Variants in GRIA1 observed in about 807,000 individuals in gnomAD.
The protein encoded by GRIA1 is glutamate receptor 1.
GRIA1 carries 31 observed loss-of-function variants against 99.2 expected under a neutral mutation model. The observed-to-expected ratio is 0.31, with a 90% CI of 0.23 to 0.42. The LOEUF (loss-of-function observed/expected upper bound fraction) is 0.42, where lower values mean the gene tolerates loss of function less well. Among genes scored for constraint, GRIA1 ranks in the 10% least tolerant of loss-of-function variants. GRIA1 has a pLI of 1.00. For synonymous variants in GRIA1, 438 were observed against 432.4 expected (o/e 1.01, Z -0.16); for missense variants, 782 against 1,157.5 (o/e 0.68, Z 4.71).
At chr5:153,505,677 G>A (rs142712353) in intron 2 of GRIA1, among the ~76,000 whole-genome samples, 69 of 152,376 alleles carry the variant, frequency 4.5e-4, no homozygotes, top group Middle Eastern at 6.8e-3. Flanking sequence ...AGCAACCAGC[G>A]TGTGTTCCAC....
At chr5:153,605,415 T>C (rs1458797266) in intron 2 of GRIA1, among the ~76,000 whole-genome samples, 2 of 152,248 alleles carry the variant, frequency 1.3e-5, no homozygotes, top group African/African-American at 4.8e-5. Context: ...CTACTCTTGA[T>C]GGACATTTGG....
intron 3 of GRIA1, 39 bp downstream of exon 3, chr5:153,647,206 G>A (rs1397640850): frequency 1.2e-6 from 2 of 1,600,082 alleles, no homozygotes; most frequent in Admixed American, 1.7e-5. Flanking sequence ...TTTGAGGGAT[G>A]GAGAGAAAAT....
At chr5:153,751,606 C>T (rs1391982906) in intron 11 of GRIA1, among the ~76,000 whole-genome samples, 2 of 152,240 alleles carry the variant, frequency 1.3e-5, no homozygotes, top group Admixed American at 6.5e-5. Context: ...TATTCACTAC[C>T]TGGACTTTGA....
rs151229664 is a variant in GRIA1 at position 153,735,084 on chromosome 5, C to T, written c.1823+29017C>T. Among the ~76,000 whole-genome samples, 1,296 of 152,178 alleles carry T rather than the reference C, an allele frequency of 8.5e-3. 7 individuals carry two copies. Among genetic ancestry groups the T allele is most frequent in the South Asian group, 0.014 (67 of 4,818 alleles). ...ACACCCTGCAATATACATGACAGGTCCCCACCACAAAGAATTATCTGGCCT... is the reference window on the plus strand; with the variant it reads ...ACACCCTGCAATATACATGACAGGTTCCCACCACAAAGAATTATCTGGCCT... On this transcript the variant is annotated intron_variant, in intron 11 of 15. Coordinates refer to ENST00000285900, the MANE Select transcript of GRIA1 (RefSeq NM_000827.4).
At chr5:153,583,693 G>A (rs1290754094) in intron 2 of GRIA1, among the ~76,000 whole-genome samples, 1 of 152,108 alleles carries the variant, frequency 6.6e-6, no homozygotes. Context: ...TTGTTTTCAG[G>A]AGATACCCAA....
chr5:153,679,359 A>C (rs1756813962), intron 7 of GRIA1, among the ~76,000 whole-genome samples: 1 of 152,260 alleles, frequency 6.6e-6, no homozygotes, highest in African/African-American at 2.4e-5. Context: ...TCATTTTCCA[A>C]TCTTTGTTAA....
At chr5:153,624,717 C>G (rs778347075) in intron 2 of GRIA1, among the ~76,000 whole-genome samples, 4 of 152,054 alleles carry the variant, frequency 2.6e-5, no homozygotes, top group Admixed American at 6.6e-5. Context: ...GGCCACAGAC[C>G]GAAAAGGACT....
intron 2 of GRIA1, among the ~76,000 whole-genome samples, chr5:153,501,672 C>T (rs1755023841): frequency 6.6e-6 from 1 of 152,196 alleles, no homozygotes; most frequent in Non-Finnish European, 1.5e-5. Context: ...TTTCAATGGC[C>T]TTGTTTCTTT....
intron 2 of GRIA1, among the ~76,000 whole-genome samples, chr5:153,534,761 A>T (rs1581190118): frequency 6.6e-6 from 1 of 152,038 alleles, no homozygotes; most frequent in East Asian, 1.9e-4. Flanking sequence ...TAACTCCCCA[A>T]CCCTAATCCA....
rs192885600 is a variant in GRIA1 at position 153,705,966 on chromosome 5, G to A, written c.1722G>A (p.Arg574=). 356 of 1,613,942 alleles carry A rather than the reference G, an allele frequency of 2.2e-4. 3 individuals carry two copies. The highest frequency in any genetic ancestry group is 1.6e-4 in the Middle Eastern group (1 of 6,062). ...EWHSEEFEEG[R]DQTTSDQSNE... ...ACAGTGAAGAGTTTGAGGAAGGACG[G>A]GACCAGACAACCAGTGACCAGTCCA... The change falls in exon 11 of 16, where the codon CGG becomes CGA. Residue 574 remains arginine, a synonymous_variant. Transcript: ENST00000285900.
chr5:153,517,384 A>G (rs985113850), intron 2 of GRIA1, among the ~76,000 whole-genome samples: 2 of 152,070 alleles, frequency 1.3e-5, no homozygotes, highest in African/African-American at 4.8e-5. Context: ...GGAGCAGAAC[A>G]TTTGAGCTTC....
At chr5:153,796,880 C>A (rs1765680514) in intron 14 of GRIA1, among the ~76,000 whole-genome samples, 1 of 143,088 alleles carries the variant, frequency 7.0e-6, no homozygotes, top group African/African-American at 2.6e-5. Context: ...CACTTTCTTT[C>A]CCCTACTGTC....
At chr5:153,607,068 T>TATATATATATATATAA (rs1491415058) in intron 2 of GRIA1, among the ~76,000 whole-genome samples, 2,779 of 140,122 alleles carry the variant, frequency 0.02, 59 homozygotes, top group Middle Eastern at 0.036. Flanking sequence ...TATATATATA[T>TATATATATATATATAA]AATCACAGTT....
chr5:153,721,758 A>G (rs934211845), intron 11 of GRIA1, among the ~76,000 whole-genome samples: 1 of 152,074 alleles, frequency 6.6e-6, no homozygotes, highest in Non-Finnish European at 1.5e-5. Context: ...TTATTTATTC[A>G]TTCTTTCTGG....
At chr5:153,646,815 G>C in intron 2 of GRIA1, 113 bp from the exon 3 acceptor site, 1 of 1,147,530 alleles carries the variant, frequency 8.7e-7, no homozygotes, top group Admixed American at 1.9e-5. Flanking sequence ...ATAGATGACA[G>C]TTGGGTGGAT....
chr5:153,683,686 C>T (rs1757144213), intron 7 of GRIA1, among the ~76,000 whole-genome samples: 1 of 152,200 alleles, frequency 6.6e-6, no homozygotes, highest in South Asian at 2.1e-4. Flanking sequence ...AACCTACCAG[C>T]CCCAAGGCCT....
At chr5:153,689,706 A>G (rs1757599440) in intron 8 of GRIA1, among the ~76,000 whole-genome samples, 1 of 152,090 alleles carries the variant, frequency 6.6e-6, no homozygotes, top group African/African-American at 2.4e-5. Context: ...GCAAACCTTA[A>G]TTCCTCTCAG....
rs1435982301 is a variant in GRIA1 at position 153,795,712 on chromosome 5, A to T, written c.2385+977A>T. The T allele has an allele frequency of 1.7e-5, 10 of 587,902 alleles. No individual in the cohort carries two copies. The Admixed American group carries it at 3.0e-4, about 18-fold the overall frequency. The allele number at this position is 587,902 out of a possible 1,614,324, so 36.4% of individuals were successfully genotyped here. On this transcript the variant is annotated intron_variant, in intron 14 of 15. Coordinates refer to ENST00000285900, the MANE Select transcript of GRIA1 (RefSeq NM_000827.4). Reference sequence around the variant, plus strand: ...AGAGCTGGGCCCCAGCAGGGCCTTGATGTCCAAGAGTCCAGGCAGGGTTAA... The same window carrying T: ...AGAGCTGGGCCCCAGCAGGGCCTTGTTGTCCAAGAGTCCAGGCAGGGTTAA...
At chr5:153,632,545 C>T (rs1435693165) in intron 2 of GRIA1, among the ~76,000 whole-genome samples, 1 of 152,148 alleles carries the variant, frequency 6.6e-6, no homozygotes, top group Non-Finnish European at 1.5e-5. Context: ...TCCTGTGCAG[C>T]CCACCTCATA....
Sources: gnomAD v4.1 joint callset for allele counts (sites outside exome capture counted in the v4.1 genomes callset) on GRCh38, gnomAD v4.1.1 for gene constraint, MANE v1.5 for transcripts, NCBI Gene and HGNC (gene_info 2026-07-23, HGNC 2026-07-21) for gene names.